The following LNPEP variants were observed in gnomAD, a reference collection of about 807,000 sequenced individuals.
The protein encoded by LNPEP is leucyl-cystinyl aminopeptidase.
Under a neutral mutation model 120.6 loss-of-function variants are expected in LNPEP, and 64 were observed. The observed-to-expected ratio is 0.53, with a 90% CI of 0.43 to 0.65. The LOEUF is 0.65. Ranked by LOEUF, LNPEP falls within the 30% of genes least tolerant of loss-of-function variation. LNPEP has a pLI of 0.00. For synonymous variants in LNPEP, 435 were observed against 425.4 expected (o/e 1.02, Z -0.28); for missense variants, 1,057 against 1,200.0 (o/e 0.88, Z 1.76).
In LNPEP at chr5:97,013,834, A is replaced by C. The variant is rs1790995810; in HGVS notation, c.2219+3A>C. 6.3e-7 allele frequency: 1 copy of C among 1,582,690 alleles called. No individual in the cohort carries two copies. Among genetic ancestry groups the C allele is most frequent in the African/African-American group, 1.4e-5 (1 of 73,274 alleles). Reference sequence around the variant, plus strand: ...AACAACATCTTTGAACTTGCAGGGTAGAGTATACTTAGTTTGAGATTTTTT... The same window carrying C: ...AACAACATCTTTGAACTTGCAGGGTCGAGTATACTTAGTTTGAGATTTTTT... On this transcript the variant is annotated splice_donor_region_variant and intron_variant, in intron 12 of 17. Transcript: ENST00000231368.
chr5:96,970,464 T>C (rs986707770), intron 1 of LNPEP, among the ~76,000 whole-genome samples: 4 of 152,082 alleles, frequency 2.6e-5, no homozygotes, highest in Non-Finnish European at 4.4e-5. Context: ...TATAGTTGTT[T>C]CTTGCTGTTT....
At chr5:96,977,840 A>G (rs1007424432) in intron 1 of LNPEP, among the ~76,000 whole-genome samples, 1 of 152,196 alleles carries the variant, frequency 6.6e-6, no homozygotes, top group Non-Finnish European at 1.5e-5. Context: ...GAAATAAATA[A>G]TTCAGGGCTC....
chr5:96,995,023 A>G (rs965046412), intron 6 of LNPEP, among the ~76,000 whole-genome samples: 2 of 152,100 alleles, frequency 1.3e-5, no homozygotes, highest in African/African-American at 4.8e-5. Flanking sequence ...CAAAAGAATC[A>G]CTTGAACCCA....
At chr5:97,016,012 A>G (rs1052586718) in intron 13 of LNPEP, among the ~76,000 whole-genome samples, 1 of 152,016 alleles carries the variant, frequency 6.6e-6, no homozygotes, top group Non-Finnish European at 1.5e-5. Flanking sequence ...TGCGTCTCCT[A>G]TGAACAGTTC....
intron 2 of LNPEP, among the ~76,000 whole-genome samples, chr5:96,984,163 G>A (rs1397275464): frequency 6.6e-6 from 1 of 152,112 alleles, no homozygotes; most frequent in Non-Finnish European, 1.5e-5. Context: ...AGATGAACTG[G>A]GAAGAGACTT....
chr5:97,015,209 C>G, intron 13 of LNPEP, 114 bp downstream of exon 13: 1 of 591,646 alleles, frequency 1.7e-6, no homozygotes, highest in Non-Finnish European at 2.7e-6. Flanking sequence ...CCATTTTCTT[C>G]ACTTTCCTGC....
chr5:96,960,307 TACTG>T (rs1177275586), intron 1 of LNPEP, among the ~76,000 whole-genome samples: 3 of 152,222 alleles, frequency 2.0e-5, no homozygotes, highest in African/African-American at 2.4e-5. Flanking sequence ...AAGAAATGTT[TACTG>T]ACTAATATAT....
rs2112672300 is a variant in LNPEP, at chr5:97,024,617, T to A, written c.2658T>A (p.Ser886=). The A allele has an allele frequency of 6.2e-7, 1 of 1,614,132 alleles. No individual in the cohort carries two copies. The highest frequency in any genetic ancestry group is 2.2e-5 in the East Asian group (1 of 44,886). Residue 886 remains serine, a synonymous_variant, in exon 15 of 18, where the codon TCT becomes TCA. Transcript: ENST00000231368. ...TGGGCAAATACATTTCTATAGGCTC[T>A]GAAGCAGAGAAGAACAAAATACTAG... The part of the protein sequence containing the change: ...FLLGKYISIG[S]EAEKNKILEA...
At chr5:97,017,528 T>C (rs570766320) in intron 13 of LNPEP, among the ~76,000 whole-genome samples, 1 of 152,282 alleles carries the variant, frequency 6.6e-6, no homozygotes, top group South Asian at 2.1e-4. Context: ...TCTGTTCTCT[T>C]CTGAAAACTT....
chr5:96,969,144 A>C (rs1789800091), intron 1 of LNPEP, among the ~76,000 whole-genome samples: 1 of 152,114 alleles, frequency 6.6e-6, no homozygotes, highest in Non-Finnish European at 1.5e-5. Context: ...AGAAAAACTC[A>C]GTTAAAATTT....
In LNPEP at chr5:96,967,269, G is replaced by A. The variant is rs117221472; in HGVS notation, c.20-11869G>A. ...CTGCATTTACACAGTAAAACTCAACGTACTGGATGACAGCTACAATTTGTA... is the reference window on the plus strand; with the variant it reads ...CTGCATTTACACAGTAAAACTCAACATACTGGATGACAGCTACAATTTGTA... On this transcript the variant is annotated intron_variant, in intron 1 of 17. Transcript: ENST00000231368. Among the ~76,000 whole-genome samples, 1,378 of 152,018 alleles carry A rather than the reference G, an allele frequency of 9.1e-3. 29 individuals are homozygous for A. The highest frequency in any genetic ancestry group is 0.066 in the East Asian group (342 of 5,162).
intron 4 of LNPEP, among the ~76,000 whole-genome samples, chr5:96,987,628 ATTTAT>A (rs1790272563): frequency 6.6e-6 from 1 of 152,226 alleles, no homozygotes; most frequent in African/African-American, 2.4e-5. Flanking sequence ...TTCTCTGGTG[ATTTAT>A]CAGTAATAAT....
In LNPEP at chr5:97,030,798, T is replaced by G. The variant is rs1476840974; in HGVS notation, c.*2265T>G. On this transcript the variant is annotated 3_prime_UTR_variant, in exon 18 of 18. Coordinates refer to ENST00000231368, the MANE Select transcript of LNPEP (RefSeq NM_005575.3). ...CCCATAATACCAGATCCATAATAGT[T>G]GTAGTTTTTTTGATGTTGTTGCCCT... The G allele has an allele frequency of 1.3e-5, 2 of 152,074 alleles. No individual in the cohort carries two copies. Among genetic ancestry groups the G allele is most frequent in the Non-Finnish European group, 2.9e-5 (2 of 68,020 alleles). The allele number at this position is 152,074 out of a possible 1,614,324, so 9.4% of individuals were successfully genotyped here.
chr5:97,019,129 C>T (rs1387961313), intron 13 of LNPEP, among the ~76,000 whole-genome samples: 2 of 152,012 alleles, frequency 1.3e-5, no homozygotes, highest in African/African-American at 4.8e-5. Context: ...AGCATCTTTC[C>T]CTGTTTTATT....
Position 97,013,832 on chromosome 5 carries a change from G to A in LNPEP, c.2219+1G>A. ...TCAACAACATCTTTGAACTTGCAGG[G>A]TAGAGTATACTTAGTTTGAGATTTT... On this transcript the variant is annotated splice_donor_variant, in intron 12 of 17. Coordinates refer to ENST00000231368, the MANE Select transcript of LNPEP (RefSeq NM_005575.3). LOFTEE classifies it high-confidence loss of function. 1.3e-6 allele frequency: 2 copies of A among 1,585,460 alleles called. No homozygotes were observed. The highest frequency in any genetic ancestry group is 1.7e-6 in the Non-Finnish European group (2 of 1,168,418).
Position 96,993,014 on chromosome 5 carries a change from G to T in LNPEP, c.1132-1G>T, listed in dbSNP as rs747149469. On this transcript the variant is annotated splice_acceptor_variant, in intron 4 of 17. Coordinates refer to ENST00000231368, the MANE Select transcript of LNPEP (RefSeq NM_005575.3). LOFTEE classifies it high-confidence loss of function. ...GCATCATACATAATGTTTTCCTTTA[G>T]GTTTCTATATATGCTGTACCAGAAA... is the stretch of plus-strand genomic sequence containing the variant. 1 of 1,575,046 alleles carries T rather than the reference G, an allele frequency of 6.3e-7. No individual in the cohort carries two copies. Among genetic ancestry groups the T allele is most frequent in the Non-Finnish European group, 8.6e-7 (1 of 1,161,336 alleles).
intron 4 of LNPEP, among the ~76,000 whole-genome samples, chr5:96,989,659 C>A (rs543813605): frequency 1.3e-5 from 2 of 151,816 alleles, no homozygotes; most frequent in Admixed American, 6.6e-5. Context: ...AGTACTCTTA[C>A]CAAGTCCAGA....
chr5:97,021,767 C>T (rs1403924305), intron 13 of LNPEP, among the ~76,000 whole-genome samples: 1 of 151,892 alleles, frequency 6.6e-6, no homozygotes, highest in Non-Finnish European at 1.5e-5. Flanking sequence ...TTATGCATAG[C>T]CTTATTATTG....
At chr5:96,947,406 G>C (rs1048135002) in intron 1 of LNPEP, among the ~76,000 whole-genome samples, 10 of 152,224 alleles carry the variant, frequency 6.6e-5, no homozygotes, top group Non-Finnish European at 1.0e-4. Context: ...AGGGTTATTG[G>C]CTGTCTTTTA....
Sources: gnomAD v4.1 joint callset for allele counts (sites outside exome capture counted in the v4.1 genomes callset) on GRCh38, gnomAD v4.1.1 for gene constraint, MANE v1.5 for transcripts, NCBI Gene and HGNC (gene_info 2026-07-23, HGNC 2026-07-21) for gene names.